The following SLC5A10 variants were observed in gnomAD, a reference collection of about 807,000 sequenced individuals.
SLC5A10 encodes sodium/mannose cotransporter SLC5A10.
Under a neutral mutation model 68.9 loss-of-function variants are expected in SLC5A10, and 55 were observed. That is an observed-to-expected ratio of 0.80 (90% CI 0.64 to 1.00). SLC5A10 has a LOEUF of 1.00. Among genes scored for constraint, SLC5A10 ranks in the 50% least tolerant of loss-of-function variants. The pLI, the probability that SLC5A10 is intolerant of heterozygous loss-of-function variation, is 0.00. For synonymous variants in SLC5A10, 344 were observed against 344.8 expected (o/e 1.00, Z 0.02); for missense variants, 732 against 819.3 (o/e 0.89, Z 1.30).
intron 5 of SLC5A10, among the ~76,000 whole-genome samples, chr17:18,964,594 G>A (rs941901329): frequency 5.9e-5 from 9 of 152,236 alleles, no homozygotes; most frequent in African/African-American, 2.2e-4. Context: ...CACGGTGAAG[G>A]GGGGACAGAA....
At chr17:18,950,679 G>C, upstream of SLC5A10, 2 of 985,456 alleles carry the variant, frequency 2.0e-6, no homozygotes, top group Non-Finnish European at 1.2e-6. Context: ...CTTCTGCCTA[G>C]TCCTGTATGT....
intron 4 of SLC5A10, 122 bp downstream of exon 4, chr17:18,959,785 C>T: frequency 1.2e-6 from 1 of 835,380 alleles, no homozygotes; most frequent in Non-Finnish European, 2.0e-6. Flanking sequence ...GCTGGGTTTG[C>T]TATTAGCCCG....
intron 11 of SLC5A10, among the ~76,000 whole-genome samples, chr17:19,015,487 C>G (rs986568521): frequency 3.3e-5 from 5 of 152,182 alleles, no homozygotes; most frequent in East Asian, 1.9e-4. Context: ...CTCTATCTCC[C>G]CGAAAACCTG....
At position 18,968,244 on chromosome 17, in the gene SLC5A10, T is replaced by G. The variant is rs997179972; in HGVS notation, c.454-808T>G. Among the ~76,000 whole-genome samples, 2 of 152,190 alleles carry G rather than the reference T, an allele frequency of 1.3e-5. No homozygotes were observed. Among genetic ancestry groups the G allele is most frequent in the African/African-American group, 2.4e-5 (1 of 41,440 alleles). ...CTGGCCCCTGAGGCTGTGTGTTGGG[T>G]CATCTCGCATCTCCTGAGTCAAAGC... On this transcript the variant is annotated intron_variant, in intron 5 of 14. Coordinates refer to ENST00000395645, the MANE Select transcript of SLC5A10 (RefSeq NM_001042450.4). This position sits in a 1 kb window ranked among gnomAD's most constrained non-coding sequence, Gnocchi z 4.1.
rs766397519 is a variant in SLC5A10 at position 19,020,171 on chromosome 17, G to C, written c.1643G>C (p.Trp548Ser). The change falls in exon 14 of 15, where the codon TGG becomes TCG. Residue 548 changes from tryptophan to serine, a missense_variant. Physicochemically the swap from Trp to Ser is radical, Grantham distance 177 (BLOSUM62 -3). Transcript: ENST00000395645. ...PQSVQIENLT[W>S]WTLAQDVPLG... ...TTCTTACAGATTGAGAACCTTACCT[G>C]GTGGACCCTGGCTCAGGATGTGCCC... 3 of 1,539,546 alleles carry C rather than the reference G, an allele frequency of 1.9e-6. No homozygotes were observed. In the South Asian group the frequency reaches 3.3e-5, roughly 17 times the overall value.
intron 7 of SLC5A10, chr17:18,970,033 T>C (rs1597831509): frequency 6.6e-6 from 1 of 152,306 alleles, no homozygotes; most frequent in South Asian, 2.1e-4. Context: ...ACTCAGACAC[T>C]GGGACCCTGT....
intron 9 of SLC5A10, among the ~76,000 whole-genome samples, chr17:19,011,578 T>G (rs1597907800): frequency 1.3e-5 from 2 of 148,876 alleles, no homozygotes; most frequent in African/African-American, 2.5e-5. Flanking sequence ...GACTCCAAAG[T>G]GTGGAGAGGA....
intron 2 of SLC5A10, 93 bp from the exon 3 acceptor site, chr17:18,959,042 T>G: frequency 2.4e-6 from 3 of 1,257,464 alleles, no homozygotes; most frequent in Non-Finnish European, 3.3e-6. Context: ...GGACCCCGCT[T>G]AGGTTTGTGA....
chr17:18,976,918 C>T lies in SLC5A10; in HGVS notation c.911C>T (p.Ala304Val), dbSNP rs1341668454. Residue 304 changes from alanine (A) to valine (V), a missense_variant, in exon 9 of 15, where the codon GCC becomes GTC. Transcript: ENST00000395645. ...CATGCCAAGGCGGGCTCCATCCTGG[C>T]CAGCTACCTCAAGATGCTCCCCATG... is the stretch of plus-strand genomic sequence containing the variant. ...LNHAKAGSIL[A>V]SYLKMLPMGL... The T allele has an allele frequency of 1.2e-6, 2 of 1,613,444 alleles. No homozygotes were observed. The highest frequency in any genetic ancestry group is 1.7e-6 in the Non-Finnish European group (2 of 1,179,820).
At chr17:19,020,006 G>A (rs1335287291) in intron 13 of SLC5A10, 78 bp downstream of exon 13, 1 of 1,484,294 alleles carries the variant, frequency 6.7e-7, no homozygotes, top group African/African-American at 1.4e-5. Flanking sequence ...GACCCACTCT[G>A]ACTCAGAATT....
At chr17:18,958,054 A>G (rs1202380286) in intron 1 of SLC5A10, among the ~76,000 whole-genome samples, 1 of 152,236 alleles carries the variant, frequency 6.6e-6, no homozygotes, top group Non-Finnish European at 1.5e-5. Context: ...GGCATGCATC[A>G]GAGCTTCATT....
chr17:18,993,731 T>C (rs1044848248), intron 9 of SLC5A10, among the ~76,000 whole-genome samples: 2 of 152,178 alleles, frequency 1.3e-5, no homozygotes, highest in Admixed American at 6.5e-5. Context: ...GGGTTCGTTA[T>C]TCTCCAGGTC....
chr17:19,004,091 G>A lies in SLC5A10; in HGVS notation c.983-9319G>A, dbSNP rs751409155. On this transcript the variant is annotated intron_variant, in intron 9 of 14. Coordinates refer to ENST00000395645, the MANE Select transcript of SLC5A10 (RefSeq NM_001042450.4). This position sits in a 1 kb window ranked among gnomAD's most constrained non-coding sequence, Gnocchi z 5.4. ...GCCGGGGGTGGGTGGGCAAGGTCCA[G>A]CTCCTAGCTCCGGCCCAGCTGGGGC... 6.6e-7 allele frequency: 1 copy of A among 1,520,724 alleles called. No homozygotes were observed. Among genetic ancestry groups the A allele is most frequent in the East Asian group, 2.3e-5 (1 of 43,842 alleles). The allele number at this position is 1,520,724 out of a possible 1,614,324, so 94.2% of individuals were successfully genotyped here. A position where few individuals can be genotyped will look rare whatever the true frequency, so the allele number is the denominator to read the frequency against.
At chr17:18,956,586 C>G (rs553354137) in intron 1 of SLC5A10, among the ~76,000 whole-genome samples, 12 of 151,014 alleles carry the variant, frequency 7.9e-5, no homozygotes, top group Non-Finnish European at 1.3e-4. Context: ...AAGTGATCCT[C>G]CCACCTCAGA....
At chr17:18,953,991 TC>T (rs1455841065) in intron 1 of SLC5A10, 7 of 152,192 alleles carry the variant, frequency 4.6e-5, no homozygotes, top group Non-Finnish European at 8.8e-5. Flanking sequence ...CGAGTTCAAG[TC>T]TCGGCTCTGC....
chr17:18,989,020 G>C (rs904402122), intron 9 of SLC5A10, among the ~76,000 whole-genome samples: 1 of 152,220 alleles, frequency 6.6e-6, no homozygotes, highest in Non-Finnish European at 1.5e-5. Context: ...GGCCCCAGTG[G>C]GGCTCAGTGA....
In SLC5A10 at chr17:19,021,199, TCTGGG is replaced by T. The variant is rs1352861730; in HGVS notation, c.*770_*774del. 6.6e-6 allele frequency: 1 copy of T among 152,308 alleles called. No individual in the cohort carries two copies. The highest frequency in any genetic ancestry group is 1.5e-5 in the Non-Finnish European group (1 of 68,122). The allele number at this position is 152,308 out of a possible 1,614,324, so 9.4% of individuals were successfully genotyped here. On this transcript the variant is annotated 3_prime_UTR_variant, in exon 15 of 15. Transcript: ENST00000395645. This position sits in a 1 kb window ranked among gnomAD's most constrained non-coding sequence, Gnocchi z 4.1. ...TCCTGAGAGCTCTGCTGGGCCCCGG[TCTGGG>T]CAGAACCTGGGCCTAAACAAACAAG... is the stretch of plus-strand genomic sequence containing the variant.
At chr17:18,993,316 A>G (rs953049159) in intron 9 of SLC5A10, among the ~76,000 whole-genome samples, 13 of 152,202 alleles carry the variant, frequency 8.5e-5, no homozygotes, top group African/African-American at 2.2e-4. Context: ...ACTCCAGTGC[A>G]GCCCCAGCCT....
intron 8 of SLC5A10, 190 bp from the exon 9 acceptor site, chr17:18,976,663 GC>G: frequency 1.5e-6 from 1 of 669,804 alleles, no homozygotes; most frequent in South Asian, 2.2e-5. Flanking sequence ...TCGCTGCTTG[GC>G]CTGCTGAAGT....
Sources: allele counts gnomAD v4.1 joint callset (sites outside exome capture counted in the v4.1 genomes callset), GRCh38; gene constraint gnomAD v4.1.1; non-coding constraint Gnocchi (gnomAD v3.1); transcripts MANE v1.5; gene names NCBI Gene and HGNC (gene_info 2026-07-23, HGNC 2026-07-21).